Variants in CARMIL1 observed in about 807,000 individuals in gnomAD.
CARMIL1 encodes the protein capping protein regulator and myosin 1 linker 1, also known as F-actin-uncapping protein LRRC16A.
A neutral mutation model predicts 177.1 loss-of-function variants in CARMIL1; 90 were observed. The ratio of observed to expected loss-of-function variants is 0.51; its 90% CI spans 0.43 to 0.61. The LOEUF is 0.61. Ranked by LOEUF, CARMIL1 falls within the 20% of genes least tolerant of loss-of-function variation. The pLI is 0.00. For synonymous variants in CARMIL1, 577 were observed against 606.2 expected, an observed-to-expected ratio of 0.95 and a Z score of 0.71; for missense variants, 1,380 against 1,667.0, an observed-to-expected ratio of 0.83 and a Z score of 3.00.
chr6:25,562,434 A>G (rs1266283913), intron 29 of CARMIL1, among the ~76,000 whole-genome samples: 2 of 151,990 alleles, frequency 1.3e-5, no homozygotes, highest in Non-Finnish European at 1.5e-5. Context: ...TTTTTAGTAG[A>G]GATGGGGTTT....
chr6:25,478,768 C>T (rs1431498131), intron 11 of CARMIL1, among the ~76,000 whole-genome samples: 3 of 151,358 alleles, frequency 2.0e-5, no homozygotes, highest in African/African-American at 4.9e-5. Flanking sequence ...TGCACTCCAG[C>T]CTGGGTGACA....
rs866445377 is a variant in CARMIL1 at position 25,369,757 on chromosome 6, G to A, written c.139-50357G>A. On this transcript the variant is annotated intron_variant, in intron 2 of 36. Transcript: ENST00000329474. Reference sequence around the variant, plus strand: ...TCTGGAGCTTGCTTTGTGTGTTTGGGTGTTGAATTTTCCCCTTGACTTGGA... The same window carrying A: ...TCTGGAGCTTGCTTTGTGTGTTTGGATGTTGAATTTTCCCCTTGACTTGGA... 3.9e-5 allele frequency among the ~76,000 whole-genome samples: 6 copies of A among 152,276 alleles called. No individual in the cohort carries two copies. In the South Asian group the frequency reaches 1.2e-3, roughly 32 times the overall value.
At chr6:25,304,106 G>A (rs1369714225) in intron 2 of CARMIL1, among the ~76,000 whole-genome samples, 2 of 152,236 alleles carry the variant, frequency 1.3e-5, no homozygotes, top group Non-Finnish European at 2.9e-5. Flanking sequence ...CACAGGTGCT[G>A]AGCTGTGCTC....
chr6:25,502,254 A>C (rs369725062), intron 17 of CARMIL1, among the ~76,000 whole-genome samples: 1 of 146,450 alleles, frequency 6.8e-6, no homozygotes, highest in East Asian at 2.0e-4. Flanking sequence ...GCAAACAAAC[A>C]AAAAAAAAAC....
At chr6:25,390,809 G>C (rs1792737968) in intron 2 of CARMIL1, among the ~76,000 whole-genome samples, 1 of 152,156 alleles carries the variant, frequency 6.6e-6, no homozygotes, top group South Asian at 2.1e-4. Flanking sequence ...TCCTGCCTCA[G>C]CCTTCCCAGT....
intron 33 of CARMIL1, 57 bp downstream of exon 33, chr6:25,600,803 C>T (rs951241603): frequency 3.0e-6 from 4 of 1,340,464 alleles, no homozygotes; most frequent in African/African-American, 3.0e-5. Flanking sequence ...TAGATGCACA[C>T]ATTTTCATGG....
chr6:25,576,942 T>C, intron 29 of CARMIL1: 1 of 970,738 alleles, frequency 1.0e-6, no homozygotes, highest in Non-Finnish European at 1.2e-6. Context: ...TCTCTTCCAT[T>C]CATATTTTTT....
At chr6:25,571,692 T>C (rs1812080918) in intron 29 of CARMIL1, among the ~76,000 whole-genome samples, 1 of 152,224 alleles carries the variant, frequency 6.6e-6, no homozygotes, top group African/African-American at 2.4e-5. Flanking sequence ...CAACCTGACA[T>C]ATGTGCCAAT....
intron 15 of CARMIL1, 112 bp downstream of exon 15, chr6:25,492,136 A>G (rs1034050): frequency 0.64 from 527,027 of 823,932 alleles, 170,461 homozygotes; most frequent in African/African-American, 0.68. Flanking sequence ...GAAAGAAGGC[A>G]GCCTTAAGCA....
chr6:25,413,157 A>ATG (rs1460685176), intron 2 of CARMIL1, among the ~76,000 whole-genome samples: 5 of 150,458 alleles, frequency 3.3e-5, no homozygotes, highest in Non-Finnish European at 5.9e-5. Flanking sequence ...ACCTAGGTAT[A>ATG]TGTCTTGGAT....
intron 24 of CARMIL1, among the ~76,000 whole-genome samples, chr6:25,534,780 A>T (rs1808125493): frequency 6.6e-6 from 1 of 152,178 alleles, no homozygotes; most frequent in Non-Finnish European, 1.5e-5. Flanking sequence ...CCAGGTTTTT[A>T]AGTTGCTGGT....
At chr6:25,586,347 A>G (rs1022112280) in intron 31 of CARMIL1, among the ~76,000 whole-genome samples, 2 of 134,622 alleles carry the variant, frequency 1.5e-5, no homozygotes, top group African/African-American at 5.8e-5. Context: ...CGCTCCTCAC[A>G]TCCCAGACGG....
intron 12 of CARMIL1, among the ~76,000 whole-genome samples, chr6:25,484,800 A>G (rs1036128480): frequency 6.6e-6 from 1 of 152,156 alleles, no homozygotes; most frequent in African/African-American, 2.4e-5. Context: ...AGTTTATATG[A>G]CTTGTGTACA....
intron 35 of CARMIL1, among the ~76,000 whole-genome samples, chr6:25,607,142 C>T (rs1329287753): frequency 1.3e-5 from 2 of 151,126 alleles, no homozygotes; most frequent in Admixed American, 6.6e-5. Flanking sequence ...GACCCCGTCA[C>T]CCTATCTCAA....
chr6:25,392,070 G>A (rs62392367), intron 2 of CARMIL1, among the ~76,000 whole-genome samples: 2 of 75,278 alleles, frequency 2.7e-5, no homozygotes, highest in South Asian at 1.2e-3. Flanking sequence ...GTGTGTGTGT[G>A]TGTGTGTGTG....
At chr6:25,328,985 C>T (rs1785364448) in intron 2 of CARMIL1, among the ~76,000 whole-genome samples, 1 of 152,046 alleles carries the variant, frequency 6.6e-6, no homozygotes, top group Non-Finnish European at 1.5e-5. Context: ...ATATGTATTT[C>T]CAGTCACAAA....
At chr6:25,524,785 GAAAA>G (rs1005638395) in intron 23 of CARMIL1, among the ~76,000 whole-genome samples, 1 of 150,640 alleles carries the variant, frequency 6.6e-6, no homozygotes, top group African/African-American at 2.4e-5. Flanking sequence ...AAGCTCTTAA[GAAAA>G]AAAAATTAAA....
intron 35 of CARMIL1, among the ~76,000 whole-genome samples, chr6:25,606,480 TGA>T (rs1277072116): frequency 6.6e-6 from 1 of 152,214 alleles, no homozygotes; most frequent in Non-Finnish European, 1.5e-5. Context: ...CCACCATGTG[TGA>T]GAGTTGGGGA....
intron 5 of CARMIL1, among the ~76,000 whole-genome samples, chr6:25,442,809 C>T (rs1227082314): frequency 1.3e-5 from 2 of 152,194 alleles, no homozygotes; most frequent in Non-Finnish European, 2.9e-5. Flanking sequence ...TTGGTTCGCA[C>T]AGATGTCTCC....
Sources: allele counts gnomAD v4.1 joint callset (sites outside exome capture counted in the v4.1 genomes callset), GRCh38; gene constraint gnomAD v4.1.1; transcripts MANE v1.5; gene names NCBI Gene and HGNC (gene_info 2026-07-23, HGNC 2026-07-21).